Variants in COP1 observed in about 807,000 individuals in gnomAD.
The protein encoded by COP1 is E3 ubiquitin-protein ligase COP1.
COP1 carries 24 observed loss-of-function variants against 101.3 expected under a neutral mutation model. The ratio of observed to expected loss-of-function variants is 0.24; its 90% confidence interval spans 0.17 to 0.33. The LOEUF (loss-of-function observed/expected upper bound fraction) is 0.33. COP1 is among the 10% of genes least tolerant of loss of function. The pLI, the probability that COP1 is intolerant of heterozygous loss-of-function variation, is 1.00. For missense variants in COP1, 663 were observed against 906.2 expected (o/e 0.73, Z 3.45); for synonymous variants, 347 against 341.9 (o/e 1.01, Z -0.17).
At chr1:176,090,013 T>C (rs1680981916) in intron 9 of COP1, among the ~76,000 whole-genome samples, 1 of 152,196 alleles carries the variant, frequency 6.6e-6, no homozygotes, top group Admixed American at 6.5e-5. Context: ...ACATTTACCA[T>C]CTACTGCCTC....
At chr1:175,966,083 T>C (rs1234516796) in intron 18 of COP1, among the ~76,000 whole-genome samples, 1 of 152,190 alleles carries the variant, frequency 6.6e-6, no homozygotes, top group Non-Finnish European at 1.5e-5. Flanking sequence ...GTCCCTGACT[T>C]TTCTTTCAGT....
intron 18 of COP1, among the ~76,000 whole-genome samples, chr1:175,948,365 CAT>C (rs780620034): frequency 1.5e-4 from 23 of 152,136 alleles, no homozygotes; most frequent in Non-Finnish European, 2.8e-4. Context: ...CTTAAAATGT[CAT>C]AGAGGTCAGG....
At chr1:176,159,258 T>C (rs530849699) in intron 5 of COP1, among the ~76,000 whole-genome samples, 1 of 152,156 alleles carries the variant, frequency 6.6e-6, no homozygotes, top group East Asian at 1.9e-4. Flanking sequence ...AAAATATGAA[T>C]AGGTAATTCA....
intron 11 of COP1, among the ~76,000 whole-genome samples, chr1:176,072,686 G>C (rs541078657): frequency 2.6e-5 from 4 of 152,138 alleles, no homozygotes; most frequent in African/African-American, 9.6e-5. Context: ...TCTACAATAA[G>C]GAACATATTA....
chr1:175,979,600 G>A (rs12140631), intron 18 of COP1, among the ~76,000 whole-genome samples: 9,983 of 151,786 alleles, frequency 0.066, 451 homozygotes, highest in Non-Finnish European at 0.087. Context: ...AATAATAAAC[G>A]CCTACTTTCT....
At chr1:176,204,552 G>A (rs944578175) in intron 1 of COP1, among the ~76,000 whole-genome samples, 4 of 152,222 alleles carry the variant, frequency 2.6e-5, no homozygotes, top group East Asian at 3.9e-4. Context: ...TTTTAAATCA[G>A]ATTCTCATTA....
chr1:176,005,576 A>T (rs943918634), intron 15 of COP1, among the ~76,000 whole-genome samples: 92 of 152,286 alleles, frequency 6.0e-4, no homozygotes, highest in African/African-American at 2.1e-3. Flanking sequence ...GTTTTCAAAG[A>T]ACATCTTTAT....
intron 1 of COP1, among the ~76,000 whole-genome samples, chr1:176,202,111 T>C (rs556514438): frequency 6.6e-6 from 1 of 151,582 alleles, no homozygotes; most frequent in Non-Finnish European, 1.5e-5. Flanking sequence ...CAGTGAGAAA[T>C]ACATTCCACA....
chr1:176,080,326 G>GT (rs754914753), intron 11 of COP1, among the ~76,000 whole-genome samples: 2 of 151,840 alleles, frequency 1.3e-5, no homozygotes, highest in Non-Finnish European at 2.9e-5. Flanking sequence ...AGAAAAGAAG[G>GT]TATCAACTAA....
intron 15 of COP1, among the ~76,000 whole-genome samples, chr1:176,019,502 T>C (rs1372682259): frequency 4.1e-4 from 58 of 140,044 alleles, no homozygotes; most frequent in Middle Eastern, 3.9e-3. Context: ...ATAATAATAA[T>C]AATAACCATC....
chr1:176,123,674 C>T (rs1388205271), intron 8 of COP1, among the ~76,000 whole-genome samples: 2 of 152,102 alleles, frequency 1.3e-5, no homozygotes, highest in African/African-American at 4.8e-5. Flanking sequence ...AAAGACATTA[C>T]AGAAGAATGT....
intron 8 of COP1, among the ~76,000 whole-genome samples, 198 bp from the exon 9 acceptor site, chr1:176,116,879 C>T (rs1572340467): frequency 6.6e-6 from 1 of 152,164 alleles, no homozygotes; most frequent in East Asian, 1.9e-4. Flanking sequence ...ACCACTTCAA[C>T]CCACCACCTC....
At chr1:176,128,071 A>C (rs183295065) in intron 8 of COP1, among the ~76,000 whole-genome samples, 53 of 152,170 alleles carry the variant, frequency 3.5e-4, no homozygotes, top group African/African-American at 1.3e-3. Flanking sequence ...CATTTTAAAA[A>C]TAGGGGTGTT....
At chr1:176,115,486 C>T (rs1280404668) in intron 9 of COP1, among the ~76,000 whole-genome samples, 2 of 151,722 alleles carry the variant, frequency 1.3e-5, no homozygotes, top group African/African-American at 2.4e-5. Context: ...CGCTGGCTCA[C>T]GCCTGTAATG....
chr1:176,170,743 A>G (rs577137730), intron 3 of COP1, among the ~76,000 whole-genome samples: 6 of 152,282 alleles, frequency 3.9e-5, no homozygotes, highest in Admixed American at 2.0e-4. Flanking sequence ...ACCCCTATCA[A>G]GAGAGTCAGC....
chr1:176,185,090 C>A (rs1480497373), intron 1 of COP1, among the ~76,000 whole-genome samples: 1 of 152,060 alleles, frequency 6.6e-6, no homozygotes, highest in Non-Finnish European at 1.5e-5. Context: ...TTCTTCCTAT[C>A]CCAAATAAAG....
At chr1:176,088,603 T>C (rs1680667129) in intron 9 of COP1, among the ~76,000 whole-genome samples, 1 of 152,202 alleles carries the variant, frequency 6.6e-6, no homozygotes, top group South Asian at 2.1e-4. Context: ...AAAATTATTT[T>C]ATTATTACTT....
intron 6 of COP1, among the ~76,000 whole-genome samples, chr1:176,141,426 G>A (rs187572093): frequency 4.9e-4 from 75 of 152,180 alleles, no homozygotes; most frequent in South Asian, 2.1e-3. Context: ...TCTTGAACCC[G>A]GGAGGTGCAG....
At chr1:176,197,708 T>C (rs996275234) in intron 1 of COP1, among the ~76,000 whole-genome samples, 4 of 152,198 alleles carry the variant, frequency 2.6e-5, no homozygotes, top group Admixed American at 1.3e-4. Context: ...AAATAGGGCA[T>C]ATAAATTTAA....
Sources: allele counts gnomAD v4.1 joint callset (sites outside exome capture counted in the v4.1 genomes callset), GRCh38; gene constraint gnomAD v4.1.1; transcripts MANE v1.5; gene names NCBI Gene and HGNC (gene_info 2026-07-23, HGNC 2026-07-21).